HHLA2: variants seen among roughly 807,000 people sequenced by gnomAD.
The protein encoded by HHLA2 is HERV-H LTR-associating protein 2.
In HHLA2, 48 loss-of-function variants were observed where a neutral mutation model predicts 45.9. That is an observed-to-expected ratio of 1.05 (90% CI 0.83 to 1.33). The LOEUF (loss-of-function observed/expected upper bound fraction) is 1.33, where lower values mean the gene tolerates loss of function less well. HHLA2 is among the 40% of genes most tolerant of loss of function. The pLI, the probability that HHLA2 is intolerant of heterozygous loss-of-function variation, is 0.00. For synonymous variants in HHLA2, 161 were observed against 173.9 expected (o/e 0.93, Z 0.59); for missense variants, 462 against 494.3 (o/e 0.93, Z 0.62).
rs192559235 is a variant in HHLA2, at chr3:108,364,958, C to T, written c.1108+2512C>T. Among the ~76,000 whole-genome samples the T allele has an allele frequency of 1.1e-3, 173 of 152,286 alleles. 4 individuals carry two copies. The Middle Eastern group carries it at 0.044, about 39-fold the overall frequency. On this transcript the variant is annotated intron_variant, in intron 8 of 10. Transcript: ENST00000619531. ...CCATTCTGTAGGTTGCCTGCTCACT[C>T]TGATGATAGTTTCTATGGCTGAGCA...
chr3:108,298,001 A>G (rs2080791187), intron 1 of HHLA2, among the ~76,000 whole-genome samples: 1 of 152,208 alleles, frequency 6.6e-6, no homozygotes, highest in African/African-American at 2.4e-5. Flanking sequence ...TTACATAACC[A>G]GCATTCTCTT....
In HHLA2 at chr3:108,355,153, AC is replaced by A; in HGVS notation, c.458del (p.Thr153LysfsTer5). On this transcript the variant is annotated frameshift_variant, in exon 6 of 11. Transcript: ENST00000619531. LOFTEE classifies it high-confidence loss of function. ...CGTGATGAAGTATGAAAAGAGGAAC[AC>A]AAACAGCTTCTTAATATGCAGCGTG... is the stretch of plus-strand genomic sequence containing the variant. 1 of 1,613,522 alleles carries A rather than the reference AC, an allele frequency of 6.2e-7. No individual in the cohort carries two copies. The highest frequency in any genetic ancestry group is 8.5e-7 in the Non-Finnish European group (1 of 1,179,742).
chr3:108,330,461 A>C (rs1576127221), intron 3 of HHLA2, among the ~76,000 whole-genome samples: 2 of 152,216 alleles, frequency 1.3e-5, no homozygotes, highest in East Asian at 3.8e-4. Flanking sequence ...AGGTAAAGGA[A>C]TTTTGCAGAT....
intron 8 of HHLA2, among the ~76,000 whole-genome samples, chr3:108,367,033 G>A (rs1252350031): frequency 3.3e-5 from 5 of 152,292 alleles, no homozygotes; most frequent in South Asian, 2.1e-4. Flanking sequence ...TTGCTGTTCC[G>A]CAGCATCCAC....
exon 11 of HHLA2, chr3:108,377,266 A>C (rs1303511674): frequency 1.3e-6 from 2 of 1,571,728 alleles, no homozygotes; most frequent in Non-Finnish European, 1.7e-6. Flanking sequence ...AGCCTCTTTC[A>C]GGAAAAGTAT....
chr3:108,308,709 C>T lies in HHLA2; in HGVS notation c.-191-1946C>T, dbSNP rs533636362. Among the ~76,000 whole-genome samples the T allele has an allele frequency of 2.6e-3, 399 of 152,262 alleles. 2 individuals are homozygous for T. Among genetic ancestry groups the T allele is most frequent in the African/African-American group, 9.2e-3 (383 of 41,554 alleles). ...GTCTTTTGGATAGAAGCCATTTTAA[C>T]GGGGGTGAGATGATATCTCATTATA... On this transcript the variant is annotated intron_variant, in intron 1 of 10. Coordinates refer to ENST00000619531, the Ensembl canonical transcript of HHLA2.
intron 8 of HHLA2, among the ~76,000 whole-genome samples, chr3:108,368,818 A>G (rs939583427): frequency 3.3e-5 from 5 of 152,140 alleles, no homozygotes; most frequent in Non-Finnish European, 7.4e-5. Flanking sequence ...TATTAGATCA[A>G]TGAGACAGAA....
chr3:108,327,384 T>A (rs1283952284), intron 2 of HHLA2, among the ~76,000 whole-genome samples: 2 of 152,334 alleles, frequency 1.3e-5, no homozygotes, highest in East Asian at 3.9e-4. Context: ...AAATTGTCCT[T>A]CATTATTTCT....
chr3:108,297,030 A>G (rs2080771907), intron 1 of HHLA2, among the ~76,000 whole-genome samples: 2 of 152,380 alleles, frequency 1.3e-5, no homozygotes, highest in East Asian at 3.9e-4. Flanking sequence ...GTGGAAACAA[A>G]AGGACCGTAG....
chr3:108,332,372 A>G (rs2081400626), intron 3 of HHLA2, among the ~76,000 whole-genome samples: 5 of 152,190 alleles, frequency 3.3e-5, no homozygotes, highest in Admixed American at 3.3e-4. Context: ...ATTTTCCATA[A>G]CAGTAAAAAT....
chr3:108,308,770 G>A (rs1357338693), intron 1 of HHLA2, among the ~76,000 whole-genome samples: 1 of 152,116 alleles, frequency 6.6e-6, no homozygotes, highest in Non-Finnish European at 1.5e-5. Context: ...GTGATGTTGA[G>A]CACCTTTTCG....
chr3:108,348,241 G>A (rs1029745235), intron 3 of HHLA2, among the ~76,000 whole-genome samples: 1 of 152,070 alleles, frequency 6.6e-6, no homozygotes, highest in Non-Finnish European at 1.5e-5. Flanking sequence ...AAAACTAGGA[G>A]AGTATGATGT....
At chr3:108,375,156 A>T (rs960185767) in intron 8 of HHLA2, among the ~76,000 whole-genome samples, 2 of 152,120 alleles carry the variant, frequency 1.3e-5, no homozygotes, top group African/African-American at 4.8e-5. Flanking sequence ...AGCCATAAAA[A>T]ATGATGAGTT....
intron 3 of HHLA2, among the ~76,000 whole-genome samples, chr3:108,333,075 G>T (rs2081413999): frequency 6.6e-6 from 1 of 152,186 alleles, no homozygotes; most frequent in Non-Finnish European, 1.5e-5. Context: ...AGAGCTCATG[G>T]TAAGTGATGG....
At chr3:108,330,848 T>C (rs1404211953) in intron 3 of HHLA2, among the ~76,000 whole-genome samples, 1 of 152,136 alleles carries the variant, frequency 6.6e-6, no homozygotes, top group Non-Finnish European at 1.5e-5. Flanking sequence ...ATGTATGCCA[T>C]TTACCTGCTA....
chr3:108,321,215 A>AATGTCTGTT (rs1299558580), intron 2 of HHLA2, among the ~76,000 whole-genome samples: 34 of 151,708 alleles, frequency 2.2e-4, no homozygotes, highest in African/African-American at 8.0e-4. Context: ...AGCATTTTGG[A>AATGTCTGTT]ATGTCTGTTC....
chr3:108,296,663 A>G (rs1165826208), intron 1 of HHLA2, 64 bp downstream of exon 1: 1 of 152,220 alleles, frequency 6.6e-6, no homozygotes, highest in Non-Finnish European at 1.5e-5. Context: ...TAAATCAAAT[A>G]TGGGTGGTTT....
intron 3 of HHLA2, among the ~76,000 whole-genome samples, chr3:108,335,541 G>T (rs981774185): frequency 6.6e-6 from 1 of 152,124 alleles, no homozygotes; most frequent in Non-Finnish European, 1.5e-5. Flanking sequence ...TGAAGATGAG[G>T]CCTAAAGTCA....
chr3:108,369,740 T>G (rs1025548737), intron 8 of HHLA2, among the ~76,000 whole-genome samples: 3 of 152,108 alleles, frequency 2.0e-5, no homozygotes, highest in Non-Finnish European at 4.4e-5. Context: ...GAGATCAAAC[T>G]GCAAGGCAGC....
Sources: allele counts gnomAD v4.1 joint callset (sites outside exome capture counted in the v4.1 genomes callset), GRCh38; gene constraint gnomAD v4.1.1; transcripts MANE v1.5; gene names NCBI Gene and HGNC (gene_info 2026-07-23, HGNC 2026-07-21).